The following ATRN variants were observed in gnomAD, a reference collection of about 807,000 sequenced individuals.
ATRN encodes the protein attractin-2.
A neutral mutation model predicts 178.7 loss-of-function variants in ATRN; 54 were observed. The observed-to-expected ratio is 0.30, with a 90% CI of 0.24 to 0.38. The LOEUF is 0.38. Ranked by LOEUF, ATRN falls within the 10% of genes least tolerant of loss-of-function variation. ATRN has a pLI of 1.00. For synonymous variants in ATRN, 636 were observed against 663.0 expected (o/e 0.96, Z 0.63); for missense variants, 1,443 against 1,815.1 (o/e 0.79, Z 3.73).
rs1175454934 is a variant in ATRN at position 3,575,260 on chromosome 20, C to T, written c.2093-567C>T. ...TACAGGCATGAGCCACCGCATCCGG[C>T]CATGCAGCTTCTCTTTTCTAGAGTT... On this transcript the variant is annotated intron_variant, in intron 12 of 28. Coordinates refer to ENST00000262919, the MANE Select transcript of ATRN (RefSeq NM_139321.3). Among the ~76,000 whole-genome samples the T allele has an allele frequency of 2.0e-5, 3 of 152,326 alleles. No homozygotes were observed. The East Asian group carries it at 5.8e-4, about 29-fold the overall frequency.
intron 22 of ATRN, among the ~76,000 whole-genome samples, chr20:3,600,619 A>C (rs970172594): frequency 5.3e-5 from 8 of 152,156 alleles, no homozygotes; most frequent in African/African-American, 1.9e-4. Flanking sequence ...AATCCTTAGG[A>C]GGGTGATTCC....
At position 3,604,243 on chromosome 20, in the gene ATRN, C is replaced by A. The variant is rs1323931373; in HGVS notation, c.3782C>A (p.Thr1261Asn). ...ITFFVYVSNF[T>N]WPIKIQIAFS... ...TTCTTTGTTTATGTCAGTAATTTCA[C>A]CTGGCCCATCAAAATTCAGGTAAGA... Residue 1261 changes from threonine to asparagine, a missense_variant, in exon 24 of 29, where the codon ACC (threonine) becomes AAC (asparagine). By Grantham distance (65) the Thr-to-Asn change is moderately conservative (BLOSUM62 0). This residue lies in a region of ATRN where 289 missense variants were observed against 440.8 expected (regional missense o/e 0.66). Coordinates refer to ENST00000262919, the MANE Select transcript of ATRN (RefSeq NM_139321.3). 15 of 1,601,536 alleles carry A rather than the reference C, an allele frequency of 9.4e-6. No individual in the cohort carries two copies. The highest frequency in any genetic ancestry group is 1.2e-5 in the Non-Finnish European group (14 of 1,176,712).
rs2087136833 is a variant in ATRN at position 3,650,280 on chromosome 20, A to T, written c.*3433A>T. ...GGTGGTGTTTTCATGAACATCTTTG[A>T]TCCTTCCATTTCATTTATTCATCCA... On this transcript the variant is annotated 3_prime_UTR_variant, in exon 29 of 29. Transcript: ENST00000262919. 6.6e-6 allele frequency: 1 copy of T among 152,626 alleles called. No individual in the cohort carries two copies. The highest frequency in any genetic ancestry group is 1.5e-5 in the Non-Finnish European group (1 of 68,046). 9.5% of individuals were successfully genotyped at this position (152,626 alleles called of 1,614,324 possible).
intron 1 of ATRN, among the ~76,000 whole-genome samples, chr20:3,492,647 A>G (rs1227443450): frequency 1.3e-5 from 2 of 152,122 alleles, no homozygotes; most frequent in Non-Finnish European, 2.9e-5. Flanking sequence ...ATGGGATATC[A>G]AGTACAGGAA....
At chr20:3,589,005 C>G (rs1292476218) in intron 18 of ATRN, among the ~76,000 whole-genome samples, 2 of 21,928 alleles carry the variant, frequency 9.1e-5, no homozygotes, top group Admixed American at 7.0e-4. Flanking sequence ...TTTTTTGAGA[C>G]AGAGTCTCAC....
chr20:3,630,105 C>G (rs1031343642), intron 25 of ATRN, among the ~76,000 whole-genome samples: 1 of 152,108 alleles, frequency 6.6e-6, no homozygotes, highest in South Asian at 2.1e-4. Flanking sequence ...GACCAGCCCC[C>G]GCATCTGAGG....
At chr20:3,480,757 A>C (rs1600000881) in intron 1 of ATRN, among the ~76,000 whole-genome samples, 1 of 152,294 alleles carries the variant, frequency 6.6e-6, no homozygotes, top group South Asian at 2.1e-4. Context: ...GCAGGAGAAA[A>C]AGGAGAGTGT....
intron 1 of ATRN, among the ~76,000 whole-genome samples, chr20:3,480,794 C>G (rs895544207): frequency 1.3e-5 from 2 of 152,142 alleles, no homozygotes; most frequent in Non-Finnish European, 2.9e-5. Flanking sequence ...CAGTTTTGAT[C>G]ATATAAATGT....
chr20:3,474,135 A>T (rs1307558348), intron 1 of ATRN, among the ~76,000 whole-genome samples: 2 of 152,130 alleles, frequency 1.3e-5, no homozygotes, highest in Non-Finnish European at 2.9e-5. Flanking sequence ...TCTCTCTGAG[A>T]GTCCACATGG....
chr20:3,606,474 A>T (rs2086678925), intron 24 of ATRN, among the ~76,000 whole-genome samples: 1 of 151,954 alleles, frequency 6.6e-6, no homozygotes, highest in African/African-American at 2.4e-5. Context: ...TGCCACATCT[A>T]TTCTGGTGAT....
intron 1 of ATRN, among the ~76,000 whole-genome samples, chr20:3,487,743 A>G (rs768019047): frequency 6.6e-6 from 1 of 152,068 alleles, no homozygotes; most frequent in African/African-American, 2.4e-5. Context: ...TTATTTTCTT[A>G]TGGGTACCTA....
intron 24 of ATRN, among the ~76,000 whole-genome samples, chr20:3,620,581 A>G (rs1874840626): frequency 6.6e-6 from 1 of 152,170 alleles, no homozygotes; most frequent in Admixed American, 6.5e-5. Context: ...AGTTTCCTGA[A>G]GTGTGGCCTA....
intron 5 of ATRN, 119 bp downstream of exon 5, chr20:3,547,608 G>C: frequency 1.1e-6 from 1 of 879,540 alleles, no homozygotes; most frequent in South Asian, 1.9e-5. Context: ...ATACGAGGTA[G>C]CATTTAAGCT....
intron 24 of ATRN, among the ~76,000 whole-genome samples, chr20:3,617,594 G>A (rs1190128113): frequency 6.6e-6 from 1 of 152,090 alleles, no homozygotes; most frequent in East Asian, 1.9e-4. Flanking sequence ...TGAGACGGAA[G>A]GATCACTTGA....
intron 24 of ATRN, among the ~76,000 whole-genome samples, chr20:3,605,453 C>T (rs531021521): frequency 2.0e-5 from 3 of 152,288 alleles, no homozygotes; most frequent in South Asian, 2.1e-4. Context: ...GATACATGCA[C>T]ATGTATGTTC....
intron 21 of ATRN, 107 bp downstream of exon 21, chr20:3,596,536 C>T (rs370562938): frequency 3.0e-6 from 3 of 1,007,196 alleles, no homozygotes. Flanking sequence ...TAGCAGCCAC[C>T]AATGAAGTGT....
chr20:3,500,116 A>G (rs1415805487), intron 1 of ATRN, among the ~76,000 whole-genome samples: 2 of 152,188 alleles, frequency 1.3e-5, no homozygotes, highest in African/African-American at 4.8e-5. Context: ...GAGAAATGCA[A>G]ATCAAAACCA....
At chr20:3,558,942 G>C (rs2085914811) in intron 6 of ATRN, among the ~76,000 whole-genome samples, 1 of 152,064 alleles carries the variant, frequency 6.6e-6, no homozygotes, top group South Asian at 2.1e-4. Flanking sequence ...TCTGGCTTTT[G>C]AAAATGTATT....
At chr20:3,520,211 T>G (rs1600067698) in intron 1 of ATRN, among the ~76,000 whole-genome samples, 2 of 152,104 alleles carry the variant, frequency 1.3e-5, no homozygotes, top group East Asian at 3.9e-4. Context: ...TAGGATGCTC[T>G]GCAGAAAAAA....
Sources: allele counts gnomAD v4.1 joint callset (sites outside exome capture counted in the v4.1 genomes callset), GRCh38; gene constraint gnomAD v4.1.1; regional missense constraint gnomAD v4.1.1; transcripts MANE v1.5; gene names NCBI Gene and HGNC (gene_info 2026-07-23, HGNC 2026-07-21).